The following GRIA1 variants were observed in gnomAD, a reference collection of about 807,000 sequenced individuals.
The protein encoded by GRIA1 is glutamate ionotropic receptor AMPA type subunit 1.
In GRIA1, 31 loss-of-function variants were observed where a neutral mutation model predicts 99.2. The observed-to-expected ratio is 0.31, with a 90% CI of 0.23 to 0.42. The LOEUF (loss-of-function observed/expected upper bound fraction) is 0.42, where lower values mean the gene tolerates loss of function less well. Ranked by LOEUF, GRIA1 falls within the 10% of genes least tolerant of loss-of-function variation. The pLI, the probability that GRIA1 is intolerant of heterozygous loss-of-function variation, is 1.00. For missense variants in GRIA1, 782 were observed against 1,157.5 expected (o/e 0.68, Z 4.71); for synonymous variants, 438 against 432.4 (o/e 1.01, Z -0.16).
chr5:153,583,448 C>G (rs1763217606), intron 2 of GRIA1, among the ~76,000 whole-genome samples: 1 of 152,122 alleles, frequency 6.6e-6, no homozygotes, highest in South Asian at 2.1e-4. Context: ...TGCCATCAAT[C>G]CTGGGTGATC....
intron 13 of GRIA1, among the ~76,000 whole-genome samples, chr5:153,773,221 A>G (rs1763998231): frequency 6.6e-6 from 1 of 152,198 alleles, no homozygotes; most frequent in Admixed American, 6.5e-5. Context: ...GAAACAGAGT[A>G]AGAGTTAAGT....
intron 2 of GRIA1, among the ~76,000 whole-genome samples, chr5:153,549,208 T>C (rs1759892482): frequency 6.6e-6 from 1 of 152,178 alleles, no homozygotes. Context: ...ACATTAATGA[T>C]CCCTGTTCTC....
At chr5:153,785,217 G>T (rs1374873267) in intron 13 of GRIA1, among the ~76,000 whole-genome samples, 1 of 152,148 alleles carries the variant, frequency 6.6e-6, no homozygotes, top group Non-Finnish European at 1.5e-5. Context: ...GGAAGAGTTA[G>T]AAGGACCATG....
intron 11 of GRIA1, among the ~76,000 whole-genome samples, chr5:153,719,269 T>G (rs1282552508): frequency 6.6e-6 from 1 of 152,140 alleles, no homozygotes; most frequent in Non-Finnish European, 1.5e-5. Context: ...TGTCAGAGCC[T>G]CTACCACTAT....
intron 2 of GRIA1, among the ~76,000 whole-genome samples, chr5:153,622,443 A>T (rs537635706): frequency 1.3e-5 from 2 of 152,334 alleles, no homozygotes; most frequent in East Asian, 3.9e-4. Context: ...TAGGCCTCTT[A>T]GGTTAAAGTC....
Position 153,553,246 on chromosome 5 carries a change from T to C in GRIA1, c.220+59181T>C, listed in dbSNP as rs1760316289. Among the ~76,000 whole-genome samples the C allele has an allele frequency of 2.0e-5, 3 of 152,224 alleles. No individual in the cohort carries two copies. In the South Asian group the frequency reaches 6.2e-4, roughly 32 times the overall value. On this transcript the variant is annotated intron_variant, in intron 2 of 15. Coordinates refer to ENST00000285900, the MANE Select transcript of GRIA1 (RefSeq NM_000827.4). ...TGCTCATGGGATTCCCATTTTATGA[T>C]GGTAGATGTGTTACTGGTGGTGAAT...
intron 2 of GRIA1, among the ~76,000 whole-genome samples, chr5:153,580,456 T>C (rs183248438): frequency 6.6e-6 from 1 of 152,198 alleles, no homozygotes; most frequent in African/African-American, 2.4e-5. Flanking sequence ...TCAAGTTTAG[T>C]TGGATGAACA....
chr5:153,788,568 G>A (rs374170123), intron 13 of GRIA1, among the ~76,000 whole-genome samples: 8 of 152,196 alleles, frequency 5.3e-5, no homozygotes, highest in East Asian at 3.9e-4. Context: ...TCTAGTCTCC[G>A]CTTAAATGTC....
At chr5:153,672,264 C>T (rs755551042) in intron 5 of GRIA1, among the ~76,000 whole-genome samples, 2 of 152,152 alleles carry the variant, frequency 1.3e-5, no homozygotes, top group Non-Finnish European at 2.9e-5. Context: ...TGCTTCTGGG[C>T]ATATTAACTC....
chr5:153,546,027 G>T (rs188105208), intron 2 of GRIA1, among the ~76,000 whole-genome samples: 1 of 152,298 alleles, frequency 6.6e-6, no homozygotes. Flanking sequence ...CCAGTAGGTG[G>T]TCCAAAGAAT....
intron 2 of GRIA1, among the ~76,000 whole-genome samples, chr5:153,509,308 T>A (rs1755831269): frequency 6.6e-6 from 1 of 152,162 alleles, no homozygotes; most frequent in South Asian, 2.1e-4. Flanking sequence ...CAGGATTTAG[T>A]GAGAGAATGA....
At position 153,770,065 on chromosome 5, in the gene GRIA1, G is replaced by A. The variant is rs112206343; in HGVS notation, c.2023-103G>A. On this transcript the variant is annotated intron_variant, in intron 12 of 15. Transcript: ENST00000285900. ...ATTTGTTTCTTCCTGAGCTAATCTC[G>A]CTCATGAATGTGTGATCAAGCTACA... 1.4e-3 allele frequency: 1,601 copies of A among 1,155,678 alleles called. 17 individuals carry two copies. In the African/African-American group the frequency reaches 0.021, roughly 16 times the overall value. 71.6% of individuals were successfully genotyped at this position (1,155,678 alleles called of 1,614,324 possible).
chr5:153,722,568 T>G (rs552465376), intron 11 of GRIA1, among the ~76,000 whole-genome samples: 5 of 152,232 alleles, frequency 3.3e-5, no homozygotes, highest in Non-Finnish European at 5.9e-5. Flanking sequence ...TTTAATGTCA[T>G]CCTTTCTTCT....
At chr5:153,506,705 G>A (rs774272281) in intron 2 of GRIA1, among the ~76,000 whole-genome samples, 1 of 152,144 alleles carries the variant, frequency 6.6e-6, no homozygotes, top group Admixed American at 6.5e-5. Flanking sequence ...GAATGTTGGG[G>A]GACAGGAAGC....
At chr5:153,568,489 T>G (rs1211334212) in intron 2 of GRIA1, among the ~76,000 whole-genome samples, 2 of 152,160 alleles carry the variant, frequency 1.3e-5, no homozygotes, top group Non-Finnish European at 2.9e-5. Flanking sequence ...GTCGAGTGAT[T>G]CAAATGGTTT....
At chr5:153,526,416 A>C (rs1294474549) in intron 2 of GRIA1, among the ~76,000 whole-genome samples, 2 of 152,120 alleles carry the variant, frequency 1.3e-5, no homozygotes, top group Admixed American at 6.6e-5. Flanking sequence ...TTTTTTGTTC[A>C]AATACCTTTT....
intron 3 of GRIA1, among the ~76,000 whole-genome samples, chr5:153,650,010 G>A (rs1401981944): frequency 1.3e-5 from 2 of 152,112 alleles, no homozygotes; most frequent in Admixed American, 1.3e-4. Flanking sequence ...GACATTATGA[G>A]GTGAGCATTA....
Position 153,811,586 on chromosome 5 carries a change from A to C in GRIA1, c.*361A>C, listed in dbSNP as rs936002910. The C allele has an allele frequency of 5.1e-6, 1 of 195,042 alleles. No homozygotes were observed. Among genetic ancestry groups the C allele is most frequent in the African/African-American group, 2.3e-5 (1 of 42,812 alleles). 12.1% of individuals were successfully genotyped at this position (195,042 alleles called of 1,614,324 possible). ...TTTAATTCAGTTGTTAGTGTGTCTT[A>C]GTGTGTGCAATTTTTTTTCTTACTA... On this transcript the variant is annotated 3_prime_UTR_variant, in exon 16 of 16. Coordinates refer to ENST00000285900, the MANE Select transcript of GRIA1 (RefSeq NM_000827.4).
At position 153,553,415 on chromosome 5, in the gene GRIA1, A is replaced by G. The variant is rs1760330552; in HGVS notation, c.220+59350A>G. ...AAAAGCTTTAGAACAGGAATGAAAG[A>G]AAGTAAAGTACACTTGGAAGAGGGT... is the stretch of plus-strand genomic sequence containing the variant. On this transcript the variant is annotated intron_variant, in intron 2 of 15. Coordinates refer to ENST00000285900, the MANE Select transcript of GRIA1 (RefSeq NM_000827.4). 2.6e-5 allele frequency among the ~76,000 whole-genome samples: 4 copies of G among 152,244 alleles called. No individual in the cohort carries two copies. In the South Asian group the frequency reaches 8.3e-4, roughly 32 times the overall value.
Sources: gnomAD v4.1 joint callset for allele counts (sites outside exome capture counted in the v4.1 genomes callset) on GRCh38, gnomAD v4.1.1 for gene constraint, MANE v1.5 for transcripts, NCBI Gene and HGNC (gene_info 2026-07-23, HGNC 2026-07-21) for gene names.